The following ERMARD variants were observed in gnomAD, a reference collection of about 807,000 sequenced individuals.
ERMARD encodes the protein ER membrane associated RNA degradation.
ERMARD carries 71 observed loss-of-function variants against 83.9 expected under a neutral mutation model. That is an observed-to-expected ratio of 0.85 (90% CI 0.70 to 1.03). The LOEUF is 1.03. Ranked by LOEUF, ERMARD falls within the 50% of genes least tolerant of loss-of-function variation. The pLI is 0.00. For missense variants in ERMARD, 838 were observed against 810.9 expected, an observed-to-expected ratio of 1.03 and a Z score of -0.41; for synonymous variants, 284 against 298.6, an observed-to-expected ratio of 0.95 and a Z score of 0.50.
chr6:169,781,548 G>T lies in ERMARD; in HGVS notation c.*35G>T. On this transcript the variant is annotated 3_prime_UTR_variant, in exon 18 of 18. Coordinates refer to ENST00000366773, the MANE Select transcript of ERMARD (RefSeq NM_018341.3). ...AGTCAGGATGCTTTTAATTTTAACA[G>T]ATTTTAACAGCGTGTAAATTAAAAA... The T allele has an allele frequency of 1.3e-6, 2 of 1,547,126 alleles. No individual in the cohort carries two copies. The highest frequency in any genetic ancestry group is 2.3e-5 in the East Asian group (1 of 43,428).
At chr6:169,751,396 C>T, upstream of ERMARD, 2 of 1,614,188 alleles carry the variant, frequency 1.2e-6, no homozygotes, top group Non-Finnish European at 1.7e-6. Flanking sequence ...CCGGAGCCTG[C>T]TGAGGGGTCT....
intron 3 of ERMARD, among the ~76,000 whole-genome samples, chr6:169,755,959 A>G (rs1585345208): frequency 2.0e-5 from 3 of 152,180 alleles, no homozygotes; most frequent in African/African-American, 7.2e-5. Context: ...TTTGGAGTGA[A>G]GGAATCATCA....
chr6:169,769,353 T>C (rs928512661), intron 11 of ERMARD, among the ~76,000 whole-genome samples, 187 bp from the exon 12 acceptor site: 3 of 152,224 alleles, frequency 2.0e-5, no homozygotes, highest in Non-Finnish European at 2.9e-5. Flanking sequence ...CAGCTCTGCT[T>C]TCCCCACAGC....
rs1328809405 is a variant in ERMARD, at chr6:169,759,968, T to C, written c.736T>C (p.Phe246Leu). The C allele has an allele frequency of 6.2e-7, 1 of 1,614,176 alleles. No homozygotes were observed. Among genetic ancestry groups the C allele is most frequent in the Non-Finnish European group, 8.5e-7 (1 of 1,180,024 alleles). ...SLTNLEDLIV[F>L]PDVTYEVLSV... ...TACAAACCTCGAGGATTTGATTGTT[T>C]TTCCTGGTAAGTACTATGTTTCACA... is the stretch of plus-strand genomic sequence containing the variant. Residue 246 changes from phenylalanine (F) to leucine (L), a missense_variant, in exon 7 of 18, where the codon TTT (phenylalanine) becomes CTT (leucine). Transcript: ENST00000366773.
chr6:169,758,237 G>C (rs1791060739), intron 5 of ERMARD, among the ~76,000 whole-genome samples: 1 of 152,194 alleles, frequency 6.6e-6, no homozygotes, highest in African/African-American at 2.4e-5. Flanking sequence ...TCTTCTGGAG[G>C]CTCAACCATA....
chr6:169,776,938 T>TG, intron 16 of ERMARD, among the ~76,000 whole-genome samples: 1 of 152,318 alleles, frequency 6.6e-6, no homozygotes, highest in Non-Finnish European at 1.5e-5. Context: ...CCCAGGTACT[T>TG]GGGGCGAAGT....
At chr6:169,780,279 C>T (rs982594768) in intron 17 of ERMARD, among the ~76,000 whole-genome samples, 5 of 152,154 alleles carry the variant, frequency 3.3e-5, no homozygotes, top group Admixed American at 2.0e-4. Context: ...GCACCCCTAC[C>T]CTCCGTTTGA....
intron 11 of ERMARD, among the ~76,000 whole-genome samples, chr6:169,769,238 G>A (rs1792591430): frequency 6.6e-6 from 1 of 152,174 alleles, no homozygotes; most frequent in Non-Finnish European, 1.5e-5. Flanking sequence ...TTCTTTTATT[G>A]CCTTGGAAAA....
At chr6:169,758,292 A>G (rs1303454627) in intron 5 of ERMARD, among the ~76,000 whole-genome samples, 2 of 152,190 alleles carry the variant, frequency 1.3e-5, no homozygotes, top group Non-Finnish European at 2.9e-5. Flanking sequence ...AACATCTTCC[A>G]TTATGTTCTG....
chr6:169,779,044 G>T, intron 16 of ERMARD, 138 bp from the exon 17 acceptor site: 1 of 777,612 alleles, frequency 1.3e-6, no homozygotes, highest in South Asian at 1.7e-5. Flanking sequence ...AGCAGGCATT[G>T]GGCTCTAAGG....
chr6:169,779,488 G>T (rs1322812928), intron 17 of ERMARD, among the ~76,000 whole-genome samples, 193 bp downstream of exon 17: 2 of 144,450 alleles, frequency 1.4e-5, no homozygotes, highest in Non-Finnish European at 3.0e-5. Context: ...TGTTTTTTTT[G>T]TTTTGTTTTG....
At chr6:169,767,135 G>A (rs569408111) in intron 10 of ERMARD, 1 of 153,484 alleles carries the variant, frequency 6.5e-6, no homozygotes, top group African/African-American at 2.4e-5. Flanking sequence ...TAGCGTTCAT[G>A]TGCACCTAAA....
chr6:169,775,755 T>G (rs985978555), intron 14 of ERMARD, 185 bp from the exon 15 acceptor site: 2 of 735,746 alleles, frequency 2.7e-6, no homozygotes, highest in African/African-American at 1.8e-5. Context: ...TGGACTTTGC[T>G]CTTGGCATAT....
chr6:169,755,551 T>A, intron 3 of ERMARD, 129 bp downstream of exon 3: 1 of 1,181,036 alleles, frequency 8.5e-7, no homozygotes, highest in Non-Finnish European at 1.2e-6. Flanking sequence ...TTGAGGGTTG[T>A]AAGAGAACCC....
intron 13 of ERMARD, 72 bp downstream of exon 13, chr6:169,773,474 G>C: frequency 6.8e-7 from 1 of 1,471,070 alleles, no homozygotes; most frequent in Non-Finnish European, 9.5e-7. Context: ...AGAGATGCTG[G>C]AAGGGTGCAG....
In ERMARD at chr6:169,775,270, G is replaced by T. The variant is rs1039278905; in HGVS notation, c.1318G>T (p.Val440Leu). 1 of 1,614,056 alleles carries T rather than the reference G, an allele frequency of 6.2e-7. No homozygotes were observed. The highest frequency in any genetic ancestry group is 2.2e-5 in the East Asian group (1 of 44,890). ...CHPVFQLKKQVLSCEESIRVW... is the reference protein window; with the variant it reads ...CHPVFQLKKQLLSCEESIRVW... Reference sequence around the variant, plus strand: ...AAAGCAATAAAACATTTCCTCCCAGGTGCTGAGCTGTGAGGAGAGCATCAG... The same window carrying T: ...AAAGCAATAAAACATTTCCTCCCAGTTGCTGAGCTGTGAGGAGAGCATCAG... Residue 440 changes from valine to leucine, a missense_variant and splice_region_variant, in exon 14 of 18, where the codon GTG becomes TTG. Physicochemically the swap from Val to Leu is conservative, Grantham distance 32. Coordinates refer to ENST00000366773, the MANE Select transcript of ERMARD (RefSeq NM_018341.3).
chr6:169,751,326 T>A, upstream of ERMARD: 1 of 1,612,696 alleles, frequency 6.2e-7, no homozygotes, highest in Non-Finnish European at 8.5e-7. Flanking sequence ...CCCCTAGCAG[T>A]CTCCGCACTC....
In ERMARD at chr6:169,767,756, T is replaced by TA. The variant is rs113340912; in HGVS notation, c.991-346dup. The TA allele has an allele frequency of 2.6e-3, 671 of 259,596 alleles. 4 individuals carry two copies. The highest frequency in any genetic ancestry group is 0.014 in the African/African-American group (628 of 43,682). 16.1% of individuals were successfully genotyped at this position (259,596 alleles called of 1,614,324 possible). On this transcript the variant is annotated intron_variant, in intron 10 of 17. Transcript: ENST00000366773. ...CATACACACATGCAGGCACATACAC[T>TA]ACACACACACACACACACACACACA...
chr6:169,767,783 G>A (rs1275560360), intron 10 of ERMARD: 27 of 273,536 alleles, frequency 9.9e-5, no homozygotes, highest in South Asian at 3.7e-4. Context: ...ACACACACAG[G>A]CACAGTTGCA....
Sources: gnomAD v4.1 joint callset for allele counts (sites outside exome capture counted in the v4.1 genomes callset) on GRCh38, gnomAD v4.1.1 for gene constraint, MANE v1.5 for transcripts, NCBI Gene and HGNC (gene_info 2026-07-23, HGNC 2026-07-21) for gene names.